GPRC5A: variants seen among roughly 807,000 people sequenced by gnomAD.
GPRC5A encodes the protein retinoic acid-induced protein 3.
In GPRC5A, 19 loss-of-function variants were observed where a neutral mutation model predicts 22.5. That is an observed-to-expected ratio of 0.85 (90% CI 0.59 to 1.24). GPRC5A has a LOEUF of 1.24. GPRC5A is among the 50% of genes most tolerant of loss of function. GPRC5A has a pLI of 0.00. For synonymous variants in GPRC5A, 192 were observed against 184.5 expected (o/e 1.04, Z -0.33); for missense variants, 471 against 451.1 (o/e 1.04, Z -0.40).
rs1300324649 is a variant in GPRC5A at position 12,894,838 on chromosome 12, G to GTGC, written c.-8+3175_-8+3177dup. ...CTGTCACCCAGGCTGGGGTGCAGTG[G>GTGC]TGCGATCACGGCTCACTGCAAGCTC... is the stretch of plus-strand genomic sequence containing the variant. On this transcript the variant is annotated intron_variant, in intron 1 of 3. Coordinates refer to ENST00000014914, the MANE Select transcript of GPRC5A (RefSeq NM_003979.4). Among the ~76,000 whole-genome samples, 6 of 135,542 alleles carry GTGC rather than the reference G, an allele frequency of 4.4e-5. No individual in the cohort carries two copies. In the South Asian group the frequency reaches 7.4e-4, roughly 17 times the overall value. The allele number at this position is 135,542 out of a possible 152,430, so 88.9% of individuals were successfully genotyped here. A position where few individuals can be genotyped will look rare whatever the true frequency, so the allele number is the denominator to read the frequency against.
In GPRC5A at chr12:12,892,977, G is replaced by A. The variant is rs866170045; in HGVS notation, c.-8+1313G>A. On this transcript the variant is annotated intron_variant, in intron 1 of 3. Coordinates refer to ENST00000014914, the MANE Select transcript of GPRC5A (RefSeq NM_003979.4). ...TCTGCTAGGTGAGGGAAGGAATGAG[G>A]GGAAGGAAGGGCCGGGAGAGGCGCT... Among the ~76,000 whole-genome samples, 7 of 152,186 alleles carry A rather than the reference G, an allele frequency of 4.6e-5. No individual in the cohort carries two copies. The South Asian group carries it at 1.4e-3, about 31-fold the overall frequency.
At chr12:12,907,100 G>T (rs1475142136) in intron 1 of GPRC5A, among the ~76,000 whole-genome samples, 1 of 151,354 alleles carries the variant, frequency 6.6e-6, no homozygotes, top group African/African-American at 2.4e-5. Context: ...AGGAGGAGGG[G>T]CAGAATAATT....
rs1417855478 is a variant in GPRC5A at position 12,916,151 on chromosome 12, C to T, written c.*3612C>T. 5.9e-6 allele frequency: 1 copy of T among 168,496 alleles called. No individual in the cohort carries two copies. The highest frequency in any genetic ancestry group is 2.4e-5 in the African/African-American group (1 of 41,758). The allele number at this position is 168,496 out of a possible 1,614,324, so 10.4% of individuals were successfully genotyped here. On this transcript the variant is annotated 3_prime_UTR_variant, in exon 4 of 4. Transcript: ENST00000014914. The stretch of plus-strand genomic sequence containing the variant: ...AACTGGAGAACATTCCGAAGCCGTT[C>T]TTATAAGTGTCTCCATCTCTACCTG...
intron 1 of GPRC5A, among the ~76,000 whole-genome samples, chr12:12,899,223 G>T (rs965301538): frequency 2.0e-5 from 3 of 152,072 alleles, no homozygotes; most frequent in African/African-American, 7.2e-5. Flanking sequence ...TTTTTGTACA[G>T]CGGGGGTCTC....
intron 1 of GPRC5A, among the ~76,000 whole-genome samples, chr12:12,896,448 C>T (rs573758512): frequency 1.8e-4 from 28 of 152,296 alleles, no homozygotes; most frequent in African/African-American, 4.1e-4. Context: ...TCCCTGTAGA[C>T]GCTTTGCATT....
rs1159120284 is a variant in GPRC5A, at chr12:12,914,584, CTTTCTTTCTT to C, written c.*2047_*2056del. ...TCTTTCTTTCTTTCTTTCTTTCTTT[CTTTCTTTCTT>C]TCTCTCTCTCTCTCTCTCTCTCTTT... On this transcript the variant is annotated 3_prime_UTR_variant, in exon 4 of 4. Transcript: ENST00000014914. The C allele has an allele frequency of 9.9e-4, 92 of 92,476 alleles. 1 individual carries two copies. The highest frequency in any genetic ancestry group is 1.4e-3 in the African/African-American group (22 of 15,944). The allele number at this position is 92,476 out of a possible 1,614,324, so 5.7% of individuals were successfully genotyped here.
rs1013563906 is a variant in GPRC5A, at chr12:12,910,294, C to T, written c.922+1123C>T. ...GGGCACTTGGAAGTCTGAAGGGAGG[C>T]GGAGGAGGGCAGGAGGGGTTATTTA... On this transcript the variant is annotated intron_variant, in intron 2 of 3. Transcript: ENST00000014914. Among the ~76,000 whole-genome samples, 10 of 152,198 alleles carry T rather than the reference C, an allele frequency of 6.6e-5. No individual in the cohort carries two copies. In the East Asian group the frequency reaches 1.2e-3, roughly 18 times the overall value.
At chr12:12,906,638 G>T (rs1333812216) in intron 1 of GPRC5A, among the ~76,000 whole-genome samples, 1 of 152,152 alleles carries the variant, frequency 6.6e-6, no homozygotes, top group Non-Finnish European at 1.5e-5. Flanking sequence ...TTTTTTGTTG[G>T]ATTACCCGCT....
At chr12:12,907,931 G>A (rs1863959854) in intron 1 of GPRC5A, among the ~76,000 whole-genome samples, 1 of 152,200 alleles carries the variant, frequency 6.6e-6, no homozygotes, top group African/African-American at 2.4e-5. Context: ...CCAGCCCTGT[G>A]AAGTTTTTTG....
chr12:12,897,395 G>C (rs1210669957), intron 1 of GPRC5A, among the ~76,000 whole-genome samples: 1 of 149,846 alleles, frequency 6.7e-6, no homozygotes, highest in Non-Finnish European at 1.5e-5. Context: ...TTCATGTGTT[G>C]AGGCAAAGAG....
intron 1 of GPRC5A, among the ~76,000 whole-genome samples, chr12:12,905,416 T>C (rs376331783): frequency 2.0e-5 from 3 of 152,176 alleles, no homozygotes; most frequent in African/African-American, 4.8e-5. Context: ...CGTTCAAAAC[T>C]TTTTATTGCC....
intron 1 of GPRC5A, among the ~76,000 whole-genome samples, chr12:12,902,686 C>T (rs1041299495): frequency 6.6e-6 from 1 of 152,012 alleles, no homozygotes; most frequent in Admixed American, 6.6e-5. Flanking sequence ...TGGGAAGATA[C>T]CTTGAGCCCA....
At chr12:12,903,649 G>C (rs745461031) in intron 1 of GPRC5A, among the ~76,000 whole-genome samples, 2 of 152,198 alleles carry the variant, frequency 1.3e-5, no homozygotes, top group African/African-American at 2.4e-5. Flanking sequence ...TGATTGGGAG[G>C]TGGGAGGTGG....
intron 1 of GPRC5A, among the ~76,000 whole-genome samples, chr12:12,897,196 C>T (rs1045243492): frequency 2.2e-5 from 3 of 138,584 alleles, no homozygotes; most frequent in African/African-American, 8.3e-5. Context: ...CACTGTACTC[C>T]CAGGCTGGAG....
At position 12,912,599 on chromosome 12, in the gene GPRC5A, G is replaced by T. The variant is rs1864016801; in HGVS notation, c.*60G>T. 3.1e-6 allele frequency: 3 copies of T among 960,380 alleles called. No individual in the cohort carries two copies. In the Admixed American group the frequency reaches 5.2e-5, roughly 17 times the overall value. 59.5% of individuals were successfully genotyped at this position (960,380 alleles called of 1,614,324 possible). ...CGGCAGATCTAGCGGGAGCTCAAAG[G>T]GATGTGGGCGAAATCTTGAGTCTTC... is the stretch of plus-strand genomic sequence containing the variant. On this transcript the variant is annotated 3_prime_UTR_variant, in exon 4 of 4. Coordinates refer to ENST00000014914, the MANE Select transcript of GPRC5A (RefSeq NM_003979.4).
chr12:12,915,968 CTCA>C lies in GPRC5A; in HGVS notation c.*3432_*3434del. ...CTCCTCCCACTGCTGCGGCTGTTAA[CTCA>C]TCTTCAGGTCTCACACCTTCTGCAC... On this transcript the variant is annotated 3_prime_UTR_variant, in exon 4 of 4. Coordinates refer to ENST00000014914, the MANE Select transcript of GPRC5A (RefSeq NM_003979.4). The C allele has an allele frequency of 2.2e-6, 1 of 457,618 alleles. No individual in the cohort carries two copies. Among genetic ancestry groups the C allele is most frequent in the South Asian group, 1.6e-5 (1 of 63,132 alleles). The allele number at this position is 457,618 out of a possible 1,614,324, so 28.3% of individuals were successfully genotyped here. A position where few individuals can be genotyped will look rare whatever the true frequency, so the allele number is the denominator to read the frequency against.
chr12:12,895,223 TACTTA>T (rs1863809384), intron 1 of GPRC5A, among the ~76,000 whole-genome samples: 2 of 152,218 alleles, frequency 1.3e-5, no homozygotes, highest in African/African-American at 4.8e-5. Context: ...TTGAACAACT[TACTTA>T]ACTTTGTGTC....
chr12:12,892,094 G>A (rs1047315607), intron 1 of GPRC5A: 7 of 152,254 alleles, frequency 4.6e-5, no homozygotes, highest in African/African-American at 7.2e-5. Flanking sequence ...CAGGAGGGAG[G>A]ACACGGTGAC....
At chr12:12,907,008 T>G (rs1330097581) in intron 1 of GPRC5A, among the ~76,000 whole-genome samples, 1 of 150,460 alleles carries the variant, frequency 6.6e-6, no homozygotes, top group Non-Finnish European at 1.5e-5. Context: ...GAGCCAAGAT[T>G]GTGCCATTGC....
Sources: allele counts gnomAD v4.1 joint callset (sites outside exome capture counted in the v4.1 genomes callset), GRCh38; gene constraint gnomAD v4.1.1; transcripts MANE v1.5; gene names NCBI Gene and HGNC (gene_info 2026-07-23, HGNC 2026-07-21).